ADCY1: variants seen among roughly 807,000 people sequenced by gnomAD.
ADCY1 encodes the protein adenylate cyclase 1, also known as adenylate cyclase type 1.
ADCY1 carries 28 observed loss-of-function variants against 105.4 expected under a neutral mutation model. The observed-to-expected ratio is 0.27, with a 90% CI of 0.20 to 0.36. The LOEUF (loss-of-function observed/expected upper bound fraction) is 0.36. Among genes scored for constraint, ADCY1 ranks in the 10% least tolerant of loss-of-function variants. The pLI is 1.00. For synonymous variants in ADCY1, 655 were observed against 623.8 expected, an observed-to-expected ratio of 1.05 and a Z score of -0.75; for missense variants, 977 against 1,434.2, an observed-to-expected ratio of 0.68 and a Z score of 5.15.
intron 3 of ADCY1, among the ~76,000 whole-genome samples, chr7:45,619,572 G>T (rs1793836670): frequency 6.6e-6 from 1 of 152,034 alleles, no homozygotes; most frequent in Non-Finnish European, 1.5e-5. Flanking sequence ...TAACAGAAAA[G>T]AAGGAAATCT....
At chr7:45,581,656 A>G (rs1337779715) in intron 1 of ADCY1, among the ~76,000 whole-genome samples, 1 of 152,150 alleles carries the variant, frequency 6.6e-6, no homozygotes, top group Non-Finnish European at 1.5e-5. Flanking sequence ...CCATGTCCAC[A>G]TAACCCCCTT....
At chr7:45,704,394 A>C (rs1411962726) in intron 16 of ADCY1, 124 bp from the exon 17 acceptor site, 1 of 775,912 alleles carries the variant, frequency 1.3e-6, no homozygotes, top group African/African-American at 1.7e-5. Flanking sequence ...TGCCCAAAGC[A>C]AAGAAGACAT....
chr7:45,610,757 T>C (rs1340104219), intron 3 of ADCY1, among the ~76,000 whole-genome samples: 6 of 20,066 alleles, frequency 3.0e-4, no homozygotes, highest in South Asian at 1.6e-3. Context: ...ATGATGGAGG[T>C]GTAGAGGTGA....
intron 5 of ADCY1, among the ~76,000 whole-genome samples, chr7:45,649,785 G>A (rs1794760760): frequency 6.6e-6 from 1 of 152,206 alleles, no homozygotes; most frequent in Admixed American, 6.5e-5. Flanking sequence ...GAGCCCTGTG[G>A]GGCAGCGGTT....
rs1162688372 is a variant in ADCY1, at chr7:45,678,140, G to A, written c.1801-26G>A. The A allele has an allele frequency of 1.9e-6, 3 of 1,614,134 alleles. No homozygotes were observed. In the Admixed American group the frequency reaches 5.0e-5, roughly 27 times the overall value. On this transcript the variant is annotated intron_variant, in intron 9 of 19. Transcript: ENST00000297323. ...CTGGCTGGAGGAAGCCCTCAGCCCT[G>A]ATGGATTGACTTCTCTCTTACACAG...
At position 45,635,601 on chromosome 7, in the gene ADCY1, GT is replaced by G. The variant is rs71030884; in HGVS notation, c.1020+12886del. ...TTCAAAATACTTTCTAATTTCTCTT[GT>G]TTTTTTTTTTTTTTTTTTTTTTTTT... On this transcript the variant is annotated intron_variant, in intron 4 of 19. Coordinates refer to ENST00000297323, the MANE Select transcript of ADCY1 (RefSeq NM_021116.4). Among the ~76,000 whole-genome samples the G allele has an allele frequency of 7.0e-3, 402 of 57,190 alleles. 2 individuals carry two copies. The highest frequency in any genetic ancestry group is 0.015 in the African/African-American group (215 of 14,366). The allele number at this position is 57,190 out of a possible 152,430, so 37.5% of individuals were successfully genotyped here.
intron 4 of ADCY1, among the ~76,000 whole-genome samples, chr7:45,632,589 A>G (rs373287245): frequency 6.6e-6 from 1 of 151,564 alleles, no homozygotes; most frequent in South Asian, 2.1e-4. Context: ...TTTGACACAG[A>G]GTCTCTTTCT....
chr7:45,601,200 AG>A, intron 2 of ADCY1, among the ~76,000 whole-genome samples: 1 of 152,268 alleles, frequency 6.6e-6, no homozygotes, highest in Admixed American at 6.5e-5. Context: ...GTGGAGAAGC[AG>A]GCCTGGGCTG....
intron 6 of ADCY1, among the ~76,000 whole-genome samples, 181 bp from the exon 7 acceptor site, chr7:45,659,861 T>G (rs1437427836): frequency 2.0e-5 from 3 of 152,186 alleles, no homozygotes; most frequent in African/African-American, 7.2e-5. Context: ...GGCCCTACTG[T>G]ATCTGCCTGG....
At chr7:45,654,579 A>G (rs1489689045) in intron 5 of ADCY1, among the ~76,000 whole-genome samples, 1 of 152,176 alleles carries the variant, frequency 6.6e-6, no homozygotes, top group Non-Finnish European at 1.5e-5. Context: ...CCCCAGCAGT[A>G]TCTTACTTTT....
At chr7:45,608,950 A>G (rs918197602) in intron 2 of ADCY1, among the ~76,000 whole-genome samples, 3 of 152,154 alleles carry the variant, frequency 2.0e-5, no homozygotes, top group African/African-American at 7.2e-5. Context: ...TGAGGCATAG[A>G]CTTAGCCTCA....
intron 3 of ADCY1, among the ~76,000 whole-genome samples, chr7:45,618,693 A>G (rs1349369735): frequency 2.6e-5 from 4 of 152,222 alleles, no homozygotes; most frequent in Non-Finnish European, 5.9e-5. Context: ...TAGATTGGCT[A>G]TTATCAAAAA....
chr7:45,645,527 G>A (rs1240438014), intron 4 of ADCY1, among the ~76,000 whole-genome samples: 1 of 152,068 alleles, frequency 6.6e-6, no homozygotes, highest in African/African-American at 2.4e-5. Flanking sequence ...TGACTGGCCT[G>A]TTCACTCATG....
intron 2 of ADCY1, among the ~76,000 whole-genome samples, chr7:45,605,268 G>A (rs900070941): frequency 7.9e-5 from 12 of 152,056 alleles, no homozygotes; most frequent in Admixed American, 4.6e-4. Context: ...TATTTCCCAT[G>A]TAGACCATCA....
At chr7:45,593,995 G>A (rs1162395830) in intron 2 of ADCY1, among the ~76,000 whole-genome samples, 9 of 152,232 alleles carry the variant, frequency 5.9e-5, no homozygotes, top group African/African-American at 1.9e-4. Context: ...GGAGATGCAT[G>A]TGTGGATATG....
At chr7:45,679,890 GA>G (rs1223714042) in intron 11 of ADCY1, 97 bp downstream of exon 11, 4 of 1,431,700 alleles carry the variant, frequency 2.8e-6, no homozygotes, top group Non-Finnish European at 3.9e-6. Flanking sequence ...GTCCAGGTAT[GA>G]GGGTGGCCTG....
At chr7:45,645,351 G>C (rs879854283) in intron 4 of ADCY1, among the ~76,000 whole-genome samples, 3 of 152,000 alleles carry the variant, frequency 2.0e-5, no homozygotes, top group Non-Finnish European at 4.4e-5. Flanking sequence ...GGTAATTGAA[G>C]ATTCCACCCC....
intron 4 of ADCY1, among the ~76,000 whole-genome samples, chr7:45,634,665 G>T (rs1471609909): frequency 6.6e-6 from 1 of 152,118 alleles, no homozygotes. Flanking sequence ...ATGGGAAAAT[G>T]ATACACATTC....
chr7:45,665,455 A>G (rs1292308229), intron 8 of ADCY1, among the ~76,000 whole-genome samples: 3 of 152,238 alleles, frequency 2.0e-5, no homozygotes, highest in African/African-American at 7.2e-5. Flanking sequence ...ACCTGGCAGC[A>G]CAGTTGTCTC....
Sources: allele counts gnomAD v4.1 joint callset (sites outside exome capture counted in the v4.1 genomes callset), GRCh38; gene constraint gnomAD v4.1.1; transcripts MANE v1.5; gene names NCBI Gene and HGNC (gene_info 2026-07-23, HGNC 2026-07-21).